Variants in DRC11L observed in about 807,000 individuals in gnomAD.
DRC11L encodes the protein dynein regulatory complex subunit like-11.
At chr7:151,192,811 G>T in the DRC11L span, 2 of 399,088 alleles carry the variant, frequency 5.0e-6, no homozygotes, top group Admixed American at 8.8e-5. Flanking sequence ...ATCACAGAGG[G>T]CTGTAGGAGT....
At chr7:151,198,235 C>G in the DRC11L span, among the ~76,000 whole-genome samples, 2 of 61,926 alleles carry the variant, frequency 3.2e-5, no homozygotes, top group East Asian at 5.0e-4. Flanking sequence ...GATGGATAGA[C>G]AGATGGAGAG....
the DRC11L span, chr7:151,191,990 A>G: frequency 2.5e-6 from 1 of 398,142 alleles, no homozygotes; most frequent in Non-Finnish European, 4.4e-6. Flanking sequence ...TCCGGGGAGC[A>G]GCTCCACATC....
chr7:151,192,908 A>G, the DRC11L span: 1 of 398,692 alleles, frequency 2.5e-6, no homozygotes, highest in Non-Finnish European at 4.4e-6. Context: ...AGAAGGCAGG[A>G]TGAGGGCCGG....
chr7:151,192,661 G>T, the DRC11L span: 1 of 398,910 alleles, frequency 2.5e-6, no homozygotes, highest in Non-Finnish European at 4.4e-6. Flanking sequence ...GGTTTGGAGC[G>T]ACTGGAACAA....
chr7:151,199,878 A>AAGAACAGGG, the DRC11L span, among the ~76,000 whole-genome samples: 39 of 152,256 alleles, frequency 2.6e-4, no homozygotes, highest in Non-Finnish European at 4.6e-4. The surrounding 1 kb of genome is among the most constrained non-coding windows in gnomAD (Gnocchi z 5.2). Context: ...AACAGGGGAT[A>AAGAACAGGG]GACAGATTCA....
chr7:151,200,495 A>G, the DRC11L span: 11 of 399,298 alleles, frequency 2.8e-5, no homozygotes, highest in African/African-American at 2.1e-4. Context: ...CACACAGGAC[A>G]CACAGTCTCC....
At chr7:151,200,409 G>A in the DRC11L span, 9 of 399,036 alleles carry the variant, frequency 2.3e-5, no homozygotes, top group Non-Finnish European at 4.0e-5. Flanking sequence ...ATCTCCATTC[G>A]CCGGTCCTGC....
chr7:151,192,375 C>T, the DRC11L span: 2 of 399,210 alleles, frequency 5.0e-6, no homozygotes, highest in Admixed American at 4.4e-5. Flanking sequence ...GAGGTTGTCC[C>T]AATCAGCATC....
chr7:151,204,407 A>C, the DRC11L span: 160 of 176,444 alleles, frequency 9.1e-4, no homozygotes, highest in East Asian at 3.0e-3. Flanking sequence ...CAAGCTGGCC[A>C]GGGCGTGGCT....
the DRC11L span, chr7:151,192,771 T>C: frequency 4.2e-4 from 166 of 399,200 alleles, no homozygotes; most frequent in Middle Eastern, 1.9e-3. Flanking sequence ...GGTCTTCTTA[T>C]AGAAATTCTT....
At chr7:151,198,144 AGGTGGGTAGAAG>A in the DRC11L span, among the ~76,000 whole-genome samples, 1 of 146,196 alleles carries the variant, frequency 6.8e-6, no homozygotes, top group South Asian at 2.2e-4. Context: ...ATAGACAGAG[AGGTGGGTAGAAG>A]GGTGGGTAGA....
chr7:151,200,768 C>G, the DRC11L span, among the ~76,000 whole-genome samples: 2 of 152,224 alleles, frequency 1.3e-5, no homozygotes, highest in Non-Finnish European at 2.9e-5. Context: ...CCCTACACCC[C>G]CTCCTCAGAA....
the DRC11L span, chr7:151,195,504 G>A: frequency 4.2e-4 from 169 of 399,684 alleles, 1 homozygote; most frequent in African/African-American, 2.9e-3. Context: ...AAACGAGTGC[G>A]TAGGTCACTG....
chr7:151,198,733 A>G, the DRC11L span: 1 of 398,852 alleles, frequency 2.5e-6, no homozygotes. Flanking sequence ...GGGCAGGAGC[A>G]GCCCTGAGGG....
chr7:151,192,947 C>T, the DRC11L span: 449 of 397,998 alleles, frequency 1.1e-3, no homozygotes, highest in Middle Eastern at 3.8e-3. Context: ...CTTGGAGCCC[C>T]GTCTCCACTC....
chr7:151,204,913 G>A, the DRC11L span: 94 of 398,940 alleles, frequency 2.4e-4, 2 homozygotes, highest in Middle Eastern at 6.3e-4. Flanking sequence ...GCCTTTTGAG[G>A]AGTGTGGGCT....
At chr7:151,201,593 T>C in the DRC11L span, among the ~76,000 whole-genome samples, 3 of 152,320 alleles carry the variant, frequency 2.0e-5, no homozygotes, top group African/African-American at 4.8e-5. This position sits in a 1 kb window ranked among gnomAD's most constrained non-coding sequence, Gnocchi z 4.1. Flanking sequence ...AGAATCACTA[T>C]TGTTTGTTAG....
At chr7:151,192,147 G>A in the DRC11L span, 1 of 398,156 alleles carries the variant, frequency 2.5e-6, no homozygotes. Context: ...AGGCCACTGG[G>A]CTGCTTGTCC....
the DRC11L span, chr7:151,196,687 G>A: frequency 1.3e-4 from 50 of 398,162 alleles, no homozygotes; most frequent in East Asian, 1.8e-3. Flanking sequence ...CAGGAGCCAG[G>A]CCCTGGCTGG....
Sources: gnomAD v4.1 joint callset for allele counts (sites outside exome capture counted in the v4.1 genomes callset) on GRCh38, gnomAD v4.1.1 for gene constraint, Gnocchi (gnomAD v3.1) non-coding constraint, MANE v1.5 for transcripts, NCBI Gene and HGNC (gene_info 2026-07-23, HGNC 2026-07-21) for gene names.